NFKB1: variants seen among roughly 807,000 people sequenced by gnomAD.
NFKB1 encodes nuclear factor NF-kappa-B p105 subunit.
In NFKB1, 9 loss-of-function variants were observed where a neutral mutation model predicts 105.1. The observed-to-expected ratio is 0.09, with a 90% confidence interval of 0.05 to 0.15. The LOEUF (loss-of-function observed/expected upper bound fraction) is 0.15. NFKB1 is among the 10% of genes least tolerant of loss of function. NFKB1 has a pLI of 1.00. For synonymous variants in NFKB1, 440 were observed against 442.2 expected, an observed-to-expected ratio of 1.00 and a Z score of 0.06; for missense variants, 830 against 1,203.7, an observed-to-expected ratio of 0.69 and a Z score of 4.59.
intron 6 of NFKB1, among the ~76,000 whole-genome samples, chr4:102,573,405 C>T (rs1197425619): frequency 6.6e-6 from 1 of 152,168 alleles, no homozygotes; most frequent in Non-Finnish European, 1.5e-5. Flanking sequence ...CAAGAAGTCA[C>T]CTGTCAATCT....
chr4:102,613,570 G>A lies in NFKB1; in HGVS notation c.2738G>A (p.Arg913Lys), dbSNP rs935364579. The A allele has an allele frequency of 6.2e-7, 1 of 1,612,366 alleles. No individual in the cohort carries two copies. The highest frequency in any genetic ancestry group is 8.5e-7 in the Non-Finnish European group (1 of 1,179,510). Residue 913 changes from arginine to lysine, a missense_variant, in exon 23 of 24, where the codon AGG becomes AAG. By Grantham distance (26) the Arg-to-Lys change is conservative (BLOSUM62 2). This residue lies in a region of NFKB1 where 418 missense variants were observed against 575.3 expected (regional missense o/e 0.73). Coordinates refer to ENST00000226574, the MANE Select transcript of NFKB1 (RefSeq NM_003998.4). Reference sequence around the variant, plus strand: ...CTGCCTCTCTCGCCTGCCTCCACAAGGCAGCAAATAGGTAAAAAAAAAGAC... The same window carrying A: ...CTGCCTCTCTCGCCTGCCTCCACAAAGCAGCAAATAGGTAAAAAAAAAGAC... ...HSLPLSPAST[R>K]QQIDELRDSD...
intron 22 of NFKB1, among the ~76,000 whole-genome samples, 190 bp downstream of exon 22, chr4:102,612,796 T>A (rs1728551127): frequency 6.6e-6 from 1 of 152,154 alleles, no homozygotes; most frequent in Non-Finnish European, 1.5e-5. Flanking sequence ...TTCAGATACC[T>A]TCAGATTTTC....
intron 7 of NFKB1, chr4:102,578,672 C>G: frequency 1.9e-6 from 1 of 517,608 alleles, no homozygotes; most frequent in South Asian, 3.4e-5. Flanking sequence ...TACTGTAATC[C>G]GGAGAAAATG....
In NFKB1 at chr4:102,507,016, C is replaced by T. The variant is rs140874652; in HGVS notation, c.-8+5228C>T. ...AAATATAATGATATATGTATAAATA[C>T]ATATTTGTAACTAATATAATTATAT... On this transcript the variant is annotated intron_variant, in intron 1 of 23. Transcript: ENST00000226574. 2.8e-3 allele frequency among the ~76,000 whole-genome samples: 412 copies of T among 145,034 alleles called. 2 individuals carry two copies. The highest frequency in any genetic ancestry group is 9.7e-3 in the African/African-American group (385 of 39,542).
At chr4:102,577,176 T>C in intron 7 of NFKB1, 137 bp downstream of exon 7, 1 of 850,738 alleles carries the variant, frequency 1.2e-6, no homozygotes, top group Non-Finnish European at 1.8e-6. Context: ...TCAGAAACCT[T>C]TGATGGCATC....
chr4:102,612,634 A>G (rs753485743), intron 22 of NFKB1, 28 bp downstream of exon 22: 8 of 1,600,086 alleles, frequency 5.0e-6, no homozygotes, highest in East Asian at 2.2e-5. Context: ...AGATTTAGCA[A>G]TTTTCATTTG....
Position 102,519,203 on chromosome 4 carries a change from A to G in NFKB1, c.-7-6309A>G, listed in dbSNP as rs188465183. 5.1e-4 allele frequency among the ~76,000 whole-genome samples: 77 copies of G among 150,712 alleles called. 1 individual carries two copies. The highest frequency in any genetic ancestry group is 4.4e-3 in the South Asian group (21 of 4,804). ...AGGAAAACATTCAGGTAGTATTTCA[A>G]TATACTGTAGTTTTAAATTATATAT... On this transcript the variant is annotated intron_variant, in intron 1 of 23. Coordinates refer to ENST00000226574, the MANE Select transcript of NFKB1 (RefSeq NM_003998.4).
intron 4 of NFKB1, among the ~76,000 whole-genome samples, chr4:102,537,054 A>G (rs939361906): frequency 6.6e-6 from 1 of 152,220 alleles, no homozygotes. Flanking sequence ...GAACTGGAGT[A>G]GACCTTAAAG....
intron 15 of NFKB1, among the ~76,000 whole-genome samples, chr4:102,600,222 G>A (rs1469289401): frequency 2.0e-5 from 3 of 152,226 alleles, no homozygotes; most frequent in Non-Finnish European, 4.4e-5. Context: ...AGTAGGCATT[G>A]TTCAGGCAGA....
chr4:102,592,237 C>G (rs963893666), intron 11 of NFKB1, among the ~76,000 whole-genome samples: 1 of 152,152 alleles, frequency 6.6e-6, no homozygotes, highest in African/African-American at 2.4e-5. Flanking sequence ...TTAGAATATT[C>G]CATAAACTTA....
At chr4:102,532,210 A>C (rs1741336721) in intron 3 of NFKB1, among the ~76,000 whole-genome samples, 1 of 152,106 alleles carries the variant, frequency 6.6e-6, no homozygotes, top group Non-Finnish European at 1.5e-5. Flanking sequence ...GCTTCATTTC[A>C]GATGCATTCA....
intron 15 of NFKB1, among the ~76,000 whole-genome samples, chr4:102,600,572 G>A (rs987846964): frequency 1.2e-4 from 18 of 152,216 alleles, no homozygotes; most frequent in African/African-American, 4.1e-4. Context: ...TATAGAGGCA[G>A]GATTGGGATT....
At chr4:102,604,448 C>T (rs187681220) in intron 16 of NFKB1, among the ~76,000 whole-genome samples, 230 of 152,216 alleles carry the variant, frequency 1.5e-3, no homozygotes, top group African/African-American at 5.1e-3. Flanking sequence ...TGGAAATAGA[C>T]GTTGATACAA....
intron 13 of NFKB1, 46 bp downstream of exon 13, chr4:102,595,027 T>C: frequency 3.0e-6 from 4 of 1,336,028 alleles, no homozygotes; most frequent in Non-Finnish European, 4.3e-6. Context: ...AAAAAATAAT[T>C]AATGCTAAAA....
chr4:102,502,323 A>G (rs1739107013), intron 1 of NFKB1, among the ~76,000 whole-genome samples: 1 of 151,530 alleles, frequency 6.6e-6, no homozygotes, highest in South Asian at 2.1e-4. Context: ...TACTTCTAAA[A>G]GAAACCTGGC....
intron 5 of NFKB1, among the ~76,000 whole-genome samples, chr4:102,553,576 CTAAT>C (rs1722776273): frequency 6.6e-6 from 1 of 152,116 alleles, no homozygotes; most frequent in South Asian, 2.1e-4. Context: ...TCTACTTCCT[CTAAT>C]TATTTTTATG....
intron 7 of NFKB1, 58 bp from the exon 8 acceptor site, chr4:102,578,823 G>T (rs1160163873): frequency 1.3e-6 from 2 of 1,536,522 alleles, no homozygotes; most frequent in Non-Finnish European, 1.8e-6. Context: ...ATAAAAGCAT[G>T]GTCTTTTAAA....
chr4:102,604,841 G>C (rs960127628), intron 16 of NFKB1, among the ~76,000 whole-genome samples: 1 of 151,800 alleles, frequency 6.6e-6, no homozygotes, highest in East Asian at 1.9e-4. Flanking sequence ...TGGCTTTCCA[G>C]AATGTCTGTG....
At chr4:102,502,654 A>G (rs1739167209) in intron 1 of NFKB1, among the ~76,000 whole-genome samples, 1 of 152,192 alleles carries the variant, frequency 6.6e-6, no homozygotes, top group Admixed American at 6.5e-5. Context: ...AACAGACACC[A>G]GGGAATGTTT....
Sources: allele counts gnomAD v4.1 joint callset (sites outside exome capture counted in the v4.1 genomes callset), GRCh38; gene constraint gnomAD v4.1.1; regional missense constraint gnomAD v4.1.1; transcripts MANE v1.5; gene names NCBI Gene and HGNC (gene_info 2026-07-23, HGNC 2026-07-21).